Variants in PTPN4 observed in about 807,000 individuals in gnomAD.
The protein encoded by PTPN4 is tyrosine-protein phosphatase non-receptor type 4.
A neutral mutation model predicts 135.5 loss-of-function variants in PTPN4; 49 were observed. The ratio of observed to expected loss-of-function variants is 0.36; its 90% confidence interval spans 0.29 to 0.46. The LOEUF is 0.46. PTPN4 is among the 20% of genes least tolerant of loss of function. The pLI is 1.00. For missense variants in PTPN4, 860 were observed against 1,101.0 expected, an observed-to-expected ratio of 0.78 and a Z score of 3.10; for synonymous variants, 333 against 369.9, an observed-to-expected ratio of 0.90 and a Z score of 1.14.
intron 1 of PTPN4, among the ~76,000 whole-genome samples, chr2:119,774,656 T>G (rs933308599): frequency 2.6e-5 from 4 of 152,126 alleles, no homozygotes; most frequent in African/African-American, 9.7e-5. Context: ...GTTTTAGAGT[T>G]TGGCTTAAAA....
At chr2:119,881,938 G>T (rs1169499455) in intron 6 of PTPN4, 108 bp downstream of exon 6, 1 of 1,050,254 alleles carries the variant, frequency 9.5e-7, no homozygotes, top group East Asian at 2.4e-5. Flanking sequence ...ATTTAAGAAG[G>T]TTACATGTAG....
chr2:119,913,434 A>C (rs1180238183), intron 10 of PTPN4, among the ~76,000 whole-genome samples: 2 of 152,136 alleles, frequency 1.3e-5, no homozygotes, highest in East Asian at 3.9e-4. Flanking sequence ...AATGATAATG[A>C]GTGTCTTTTC....
chr2:119,837,241 G>A lies in PTPN4; in HGVS notation c.139-25295G>A, dbSNP rs1216160141. 2.0e-5 allele frequency among the ~76,000 whole-genome samples: 3 copies of A among 152,250 alleles called. No individual in the cohort carries two copies. In the East Asian group the frequency reaches 5.8e-4, roughly 29 times the overall value. ...ACAGATGTTGGGATTTACCAGCTGT[G>A]GGAAGGAGCTACCCACTTTGGGTTA... On this transcript the variant is annotated intron_variant, in intron 2 of 26. Transcript: ENST00000263708.
At chr2:119,875,539 T>C (rs1359709028) in intron 3 of PTPN4, among the ~76,000 whole-genome samples, 1 of 152,106 alleles carries the variant, frequency 6.6e-6, no homozygotes, top group Non-Finnish European at 1.5e-5. Context: ...GATTAATAGA[T>C]AGATGGATGG....
intron 11 of PTPN4, chr2:119,915,842 G>A (rs1678645571): frequency 6.6e-6 from 1 of 152,072 alleles, no homozygotes; most frequent in Non-Finnish European, 1.5e-5. Context: ...GCAAATTCAT[G>A]CAGATTTCAA....
chr2:119,855,408 C>A (rs1460133698), intron 2 of PTPN4, among the ~76,000 whole-genome samples: 1 of 152,148 alleles, frequency 6.6e-6, no homozygotes, highest in African/African-American at 2.4e-5. Context: ...CCAGGAGCCG[C>A]AAAGAAAATA....
At chr2:119,919,851 G>A (rs1678712140) in intron 11 of PTPN4, among the ~76,000 whole-genome samples, 1 of 149,796 alleles carries the variant, frequency 6.7e-6, no homozygotes, top group Admixed American at 6.7e-5. Context: ...AAAAGACTGA[G>A]TTAGGTCCAG....
At chr2:119,801,395 T>C (rs888173198) in intron 1 of PTPN4, among the ~76,000 whole-genome samples, 12 of 152,190 alleles carry the variant, frequency 7.9e-5, no homozygotes, top group Admixed American at 7.2e-4. Context: ...GCCTTCCATA[T>C]TAATTTTAGA....
chr2:119,845,782 A>G (rs1027409468), intron 2 of PTPN4, among the ~76,000 whole-genome samples: 3 of 152,040 alleles, frequency 2.0e-5, no homozygotes, highest in African/African-American at 7.3e-5. Flanking sequence ...GTCTTCAGAT[A>G]AAAGATTCTT....
chr2:119,851,535 C>T (rs987876767), intron 2 of PTPN4, among the ~76,000 whole-genome samples: 1 of 152,154 alleles, frequency 6.6e-6, no homozygotes, highest in Non-Finnish European at 1.5e-5. Context: ...ATGCACAGTG[C>T]CCTTCTTACC....
At chr2:119,956,515 A>C (rs767593815) in intron 20 of PTPN4, among the ~76,000 whole-genome samples, 14 of 152,224 alleles carry the variant, frequency 9.2e-5, no homozygotes, top group Admixed American at 2.6e-4. Flanking sequence ...CTTAGTTCAT[A>C]GACTGTAAAC....
At chr2:119,961,530 T>G (rs2105059123) in intron 23 of PTPN4, among the ~76,000 whole-genome samples, 1 of 152,318 alleles carries the variant, frequency 6.6e-6, no homozygotes, top group Non-Finnish European at 1.5e-5. Flanking sequence ...AAACGTCGAG[T>G]TGGTATAACT....
intron 5 of PTPN4, among the ~76,000 whole-genome samples, chr2:119,878,600 T>C (rs559959979): frequency 8.5e-5 from 13 of 152,196 alleles, no homozygotes; most frequent in African/African-American, 2.9e-4. Context: ...TGCAGAGTTT[T>C]CAGTAGTAAA....
chr2:119,862,516 A>T lies in PTPN4; in HGVS notation c.139-20A>T, dbSNP rs968535785. Reference sequence around the variant, plus strand: ...AACCTATCAAAGTTGATTTCATTCAATTTTTTTTTTTTTTTACAGAAACAT... The same window carrying T: ...AACCTATCAAAGTTGATTTCATTCATTTTTTTTTTTTTTTTACAGAAACAT... On this transcript the variant is annotated intron_variant, in intron 2 of 26. Coordinates refer to ENST00000263708, the MANE Select transcript of PTPN4 (RefSeq NM_002830.4). 1.9e-4 allele frequency: 255 copies of T among 1,357,460 alleles called. No homozygotes were observed. The highest frequency in any genetic ancestry group is 2.2e-4 in the Admixed American group (11 of 49,630). 84.1% of individuals were successfully genotyped at this position (1,357,460 alleles called of 1,614,324 possible).
Position 119,810,006 on chromosome 2 carries a change from T to G in PTPN4, c.138+15T>G. ...TCAAAGTCAATGTAAGTATTTTGTG[T>G]CTTTTAAAAAATAATCTCTGGCTAT... On this transcript the variant is annotated intron_variant, in intron 2 of 26. Coordinates refer to ENST00000263708, the MANE Select transcript of PTPN4 (RefSeq NM_002830.4). The G allele has an allele frequency of 6.3e-7, 1 of 1,596,168 alleles. No homozygotes were observed.
chr2:119,963,602 G>A (rs1361451701), intron 24 of PTPN4, among the ~76,000 whole-genome samples: 2 of 152,224 alleles, frequency 1.3e-5, no homozygotes, highest in Non-Finnish European at 1.5e-5. Flanking sequence ...TCTTACTGAC[G>A]AAAAGGGAAG....
intron 12 of PTPN4, among the ~76,000 whole-genome samples, chr2:119,924,511 C>T (rs1050221564): frequency 6.6e-6 from 1 of 151,620 alleles, no homozygotes; most frequent in Non-Finnish European, 1.5e-5. Flanking sequence ...TTCTATGTTG[C>T]TTGAATAACT....
At chr2:119,922,043 AAAG>A (rs1479604151) in intron 12 of PTPN4, among the ~76,000 whole-genome samples, 4 of 152,190 alleles carry the variant, frequency 2.6e-5, no homozygotes, top group Admixed American at 6.5e-5. Context: ...CAAGATGAGA[AAAG>A]AAAGTCAAGG....
intron 12 of PTPN4, among the ~76,000 whole-genome samples, chr2:119,923,902 T>C (rs978757689): frequency 2.6e-5 from 4 of 151,354 alleles, no homozygotes; most frequent in South Asian, 2.1e-4. Context: ...CTTTGGGAGG[T>C]CGAGGCGGGC....
Sources: gnomAD v4.1 joint callset for allele counts (sites outside exome capture counted in the v4.1 genomes callset) on GRCh38, gnomAD v4.1.1 for gene constraint, MANE v1.5 for transcripts, NCBI Gene and HGNC (gene_info 2026-07-23, HGNC 2026-07-21) for gene names.